Variants in NREP observed in about 807,000 individuals in gnomAD.
The protein encoded by NREP is neuronal regeneration related protein.
Under a neutral mutation model 8.6 loss-of-function variants are expected in NREP, and 5 were observed. The observed-to-expected ratio is 0.58, with a 90% CI of 0.30 to 1.22. NREP has a LOEUF of 1.22. NREP is among the 50% of genes most tolerant of loss of function. The probability of loss-of-function intolerance (pLI) is 0.07; values close to 1 mark genes in which losing one functional copy is unlikely to be tolerated. For synonymous variants in NREP, 27 were observed against 28.0 expected (o/e 0.96, Z 0.11); for missense variants, 86 against 82.5 (o/e 1.04, Z -0.17).
At chr5:111,955,131 G>A (rs1756272641) in intron 2 of NREP, among the ~76,000 whole-genome samples, 1 of 152,134 alleles carries the variant, frequency 6.6e-6, no homozygotes, top group Non-Finnish European at 1.5e-5. Context: ...ATGCCTGCCT[G>A]ACACAGAAAC....
chr5:111,848,893 T>C (rs1030496110), intron 2 of NREP, among the ~76,000 whole-genome samples: 12 of 152,174 alleles, frequency 7.9e-5, no homozygotes, highest in Non-Finnish European at 1.3e-4. Flanking sequence ...TTTAGTGTTT[T>C]CATTTGCTTC....
At chr5:111,791,413 T>C (rs914002775) in intron 2 of NREP, among the ~76,000 whole-genome samples, 1 of 152,178 alleles carries the variant, frequency 6.6e-6, no homozygotes, top group African/African-American at 2.4e-5. Flanking sequence ...TCCGCTTCTG[T>C]AAGTCTGATT....
At chr5:111,868,833 CT>C (rs11352654) in intron 2 of NREP, among the ~76,000 whole-genome samples, 19,296 of 143,284 alleles carry the variant, frequency 0.13, 2,065 homozygotes, top group African/African-American at 0.3. Flanking sequence ...TCCAGTTTTT[CT>C]TTTTTTTTTT....
intron 3 of NREP, among the ~76,000 whole-genome samples, chr5:111,731,390 G>GTGA (rs1561626559): frequency 2.0e-5 from 3 of 147,010 alleles, no homozygotes; most frequent in Admixed American, 6.8e-5. Context: ...CTTAGACTGG[G>GTGA]TGATTGATAG....
intron 2 of NREP, among the ~76,000 whole-genome samples, chr5:111,931,327 G>A (rs753734336): frequency 1.8e-4 from 28 of 152,164 alleles, no homozygotes; most frequent in Admixed American, 6.6e-4. Context: ...AGGCAGTGTG[G>A]CTTCCTCTTT....
At chr5:111,894,959 G>C (rs1472570450) in intron 2 of NREP, among the ~76,000 whole-genome samples, 1 of 152,206 alleles carries the variant, frequency 6.6e-6, no homozygotes, top group Non-Finnish European at 1.5e-5. Context: ...AGAATGTCTA[G>C]GCAAATAGTC....
rs1751448309 is a variant in NREP at position 111,779,724 on chromosome 5, A to G, written c.136-44217T>C. On this transcript the variant is annotated intron_variant, in intron 2 of 3. Transcript: ENST00000395634. Reference sequence around the variant, plus strand: ...ATATCTTTCATATTTAGATGTTTCTATAAAGGCTTCTCCTGGGTCAATCCA... The same window carrying G: ...ATATCTTTCATATTTAGATGTTTCTGTAAAGGCTTCTCCTGGGTCAATCCA... Among the ~76,000 whole-genome samples, 6 of 152,168 alleles carry G rather than the reference A, an allele frequency of 3.9e-5. No individual in the cohort carries two copies. In the South Asian group the frequency reaches 1.2e-3, roughly 32 times the overall value.
At chr5:111,945,912 T>C (rs80115428) in intron 2 of NREP, among the ~76,000 whole-genome samples, 1,974 of 152,128 alleles carry the variant, frequency 0.013, 17 homozygotes, top group Non-Finnish European at 0.018. Context: ...ACCTTGGATC[T>C]TGTGCCCAAC....
chr5:111,746,771 G>C lies in NREP; in HGVS notation c.3+8999C>G, dbSNP rs1481957109. 3.9e-5 allele frequency among the ~76,000 whole-genome samples: 6 copies of C among 152,224 alleles called. No homozygotes were observed. The East Asian group carries it at 1.2e-3, about 29-fold the overall frequency. On this transcript the variant is annotated intron_variant, in intron 2 of 3. Coordinates refer to ENST00000257435, the MANE Select transcript of NREP (RefSeq NM_004772.4). ...TTCAAACTAAGCCACCAAATCCCCG[G>C]AAGTCTACTCAGGAAAGGGGTGGGC...
chr5:111,842,743 T>A (rs1284916131), intron 2 of NREP, among the ~76,000 whole-genome samples: 1 of 152,208 alleles, frequency 6.6e-6, no homozygotes, highest in Admixed American at 6.5e-5. Context: ...TAGCATTTCT[T>A]GTTAGGCAAG....
At chr5:111,758,022 G>T, upstream of NREP, 2 of 985,558 alleles carry the variant, frequency 2.0e-6, no homozygotes, top group Non-Finnish European at 2.4e-6. Flanking sequence ...TGTCCTGAGC[G>T]AAGCAGAAAA....
intron 2 of NREP, among the ~76,000 whole-genome samples, chr5:111,821,384 C>T (rs1419879194): frequency 1.3e-5 from 2 of 151,536 alleles, no homozygotes; most frequent in African/African-American, 2.4e-5. Flanking sequence ...AAAAAATCAA[C>T]TCCTGTCTTT....
At chr5:111,949,211 T>C (rs1217389506) in intron 2 of NREP, among the ~76,000 whole-genome samples, 1 of 152,044 alleles carries the variant, frequency 6.6e-6, no homozygotes, top group East Asian at 1.9e-4. Context: ...TCATGTTAAA[T>C]ATGCTATAAA....
intron 2 of NREP, among the ~76,000 whole-genome samples, chr5:111,854,628 C>A (rs762286546): frequency 2.0e-5 from 3 of 152,146 alleles, no homozygotes; most frequent in Non-Finnish European, 4.4e-5. Flanking sequence ...AGCTGAAATC[C>A]TTTGTGAAAA....
At chr5:111,935,588 C>G (rs1377010314) in intron 2 of NREP, among the ~76,000 whole-genome samples, 2 of 152,014 alleles carry the variant, frequency 1.3e-5, no homozygotes, top group East Asian at 3.9e-4. Flanking sequence ...CAAGTTTCCA[C>G]TTTTCCAATA....
At chr5:111,898,040 C>T (rs1315526745) in intron 2 of NREP, among the ~76,000 whole-genome samples, 1 of 152,070 alleles carries the variant, frequency 6.6e-6, no homozygotes, top group African/African-American at 2.4e-5. Flanking sequence ...AATGATAGGA[C>T]ATGAATTGAG....
intron 2 of NREP, among the ~76,000 whole-genome samples, chr5:111,878,723 T>C (rs2112509237): frequency 6.6e-6 from 1 of 152,274 alleles, no homozygotes; most frequent in East Asian, 1.9e-4. Flanking sequence ...AGGTCGACAG[T>C]CAGATAGGCC....
intron 2 of NREP, among the ~76,000 whole-genome samples, chr5:111,947,430 T>C (rs1756020057): frequency 6.6e-6 from 1 of 151,834 alleles, no homozygotes; most frequent in Non-Finnish European, 1.5e-5. Flanking sequence ...GGGTATTTAT[T>C]GACTTTGAAA....
chr5:111,800,916 T>C (rs1345679998), intron 2 of NREP, among the ~76,000 whole-genome samples: 1 of 152,210 alleles, frequency 6.6e-6, no homozygotes, highest in African/African-American at 2.4e-5. Flanking sequence ...ATTTGTCACA[T>C]ATAGTTCATC....
Sources: gnomAD v4.1 joint callset for allele counts (sites outside exome capture counted in the v4.1 genomes callset) on GRCh38, gnomAD v4.1.1 for gene constraint, MANE v1.5 for transcripts, NCBI Gene and HGNC (gene_info 2026-07-23, HGNC 2026-07-21) for gene names.